Variants in ARHGEF28 observed in about 807,000 individuals in gnomAD.
ARHGEF28 encodes the protein 190 kDa guanine nucleotide exchange factor.
A neutral mutation model predicts 206.6 loss-of-function variants in ARHGEF28; 152 were observed. That is an observed-to-expected ratio of 0.74 (90% CI 0.64 to 0.84). The LOEUF is 0.84. ARHGEF28 is among the 40% of genes least tolerant of loss of function. The pLI, the probability that ARHGEF28 is intolerant of heterozygous loss-of-function variation, is 0.00. For synonymous variants in ARHGEF28, 763 were observed against 776.4 expected (o/e 0.98, Z 0.29); for missense variants, 2,028 against 2,073.2 (o/e 0.98, Z 0.42).
intron 35 of ARHGEF28, among the ~76,000 whole-genome samples, chr5:73,940,366 C>A (rs1742526146): frequency 1.3e-5 from 2 of 152,056 alleles, no homozygotes; most frequent in Admixed American, 1.3e-4. Context: ...GCTGGAGGGT[C>A]TCCTTCATTC....
intron 10 of ARHGEF28, 101 bp from the exon 11 acceptor site, chr5:73,840,379 C>T (rs1199423817): frequency 2.3e-5 from 28 of 1,228,538 alleles, no homozygotes; most frequent in South Asian, 1.4e-4. Context: ...CCTCCTACCA[C>T]GCCTGGCCAG....
chr5:73,659,478 C>T (rs1222259392), intron 1 of ARHGEF28, among the ~76,000 whole-genome samples: 1 of 151,276 alleles, frequency 6.6e-6, no homozygotes, highest in African/African-American at 2.4e-5. Flanking sequence ...TGCAGTGAGC[C>T]GAGATCGGCC....
chr5:73,920,301 G>C (rs1763446394), intron 35 of ARHGEF28, among the ~76,000 whole-genome samples: 1 of 152,168 alleles, frequency 6.6e-6, no homozygotes, highest in African/African-American at 2.4e-5. Context: ...TATCTTACTG[G>C]ATTCCTAGTA....
intron 7 of ARHGEF28, among the ~76,000 whole-genome samples, chr5:73,791,023 T>C (rs1754447074): frequency 6.6e-6 from 1 of 152,216 alleles, no homozygotes; most frequent in Non-Finnish European, 1.5e-5. Flanking sequence ...GTATTGGAAG[T>C]GTTTCAATTA....
intron 4 of ARHGEF28, among the ~76,000 whole-genome samples, chr5:73,760,692 A>T (rs1752554818): frequency 5.9e-5 from 9 of 152,194 alleles, no homozygotes; most frequent in Admixed American, 5.9e-4. Flanking sequence ...TTTGTCTTAC[A>T]TTCCTTTTGT....
chr5:73,876,851 G>A (rs1370697627), intron 22 of ARHGEF28, among the ~76,000 whole-genome samples: 1 of 147,860 alleles, frequency 6.8e-6, no homozygotes, highest in Admixed American at 6.8e-5. Flanking sequence ...TTTTGCATCA[G>A]TGTTCATCAT....
At chr5:73,913,737 C>T (rs867243120) in intron 35 of ARHGEF28, among the ~76,000 whole-genome samples, 9 of 152,196 alleles carry the variant, frequency 5.9e-5, no homozygotes, top group South Asian at 4.1e-4. Context: ...CATCAGTGAC[C>T]ACTACTGAGG....
intron 33 of ARHGEF28, among the ~76,000 whole-genome samples, chr5:73,905,537 A>G (rs1762503305): frequency 6.6e-6 from 1 of 152,234 alleles, no homozygotes; most frequent in African/African-American, 2.4e-5. Context: ...GATTCTACAA[A>G]GAGAATTAAA....
rs530490076 is a variant in ARHGEF28 at position 73,754,719 on chromosome 5, G to T, written c.475+1517G>T. On this transcript the variant is annotated intron_variant, in intron 4 of 35. Coordinates refer to ENST00000513042, the MANE Select transcript of ARHGEF28 (RefSeq NM_001177693.2). Reference sequence around the variant, plus strand: ...CCTGCTTCTTTAGCTGATGAGACAGGGTCATCTTGCTCTGTTGCCCAGGCT... The same window carrying T: ...CCTGCTTCTTTAGCTGATGAGACAGTGTCATCTTGCTCTGTTGCCCAGGCT... Among the ~76,000 whole-genome samples, 418 of 151,984 alleles carry T rather than the reference G, an allele frequency of 2.8e-3. 4 individuals are homozygous for T. Among genetic ancestry groups the T allele is most frequent in the African/African-American group, 9.7e-3 (402 of 41,454 alleles).
intron 16 of ARHGEF28, among the ~76,000 whole-genome samples, chr5:73,859,159 A>G (rs1759232167): frequency 6.6e-6 from 1 of 152,162 alleles, no homozygotes; most frequent in African/African-American, 2.4e-5. Context: ...TACAGTTTGC[A>G]TATGGGGGCT....
intron 7 of ARHGEF28, among the ~76,000 whole-genome samples, chr5:73,789,082 G>A (rs1019721520): frequency 1.3e-5 from 2 of 152,038 alleles, no homozygotes; most frequent in Admixed American, 1.3e-4. Context: ...GTTCATTGCA[G>A]CATTATTAAT....
At chr5:73,794,122 CATTT>C (rs1359371672) in intron 7 of ARHGEF28, among the ~76,000 whole-genome samples, 1 of 152,090 alleles carries the variant, frequency 6.6e-6, no homozygotes, top group Non-Finnish European at 1.5e-5. Context: ...GAATCAAGGG[CATTT>C]ATTTATTTAA....
chr5:73,879,386 C>G (rs1280357037), intron 22 of ARHGEF28, among the ~76,000 whole-genome samples: 1 of 152,160 alleles, frequency 6.6e-6, no homozygotes, highest in Non-Finnish European at 1.5e-5. Flanking sequence ...TCCTGTGGCT[C>G]AGAGTAGTTT....
intron 1 of ARHGEF28, among the ~76,000 whole-genome samples, chr5:73,656,733 T>G (rs1745227485): frequency 6.6e-6 from 1 of 152,190 alleles, no homozygotes; most frequent in African/African-American, 2.4e-5. Context: ...ATCCTCTGCA[T>G]ACTCAGAAGA....
chr5:73,812,649 A>G (rs1755912925), intron 9 of ARHGEF28, among the ~76,000 whole-genome samples: 1 of 152,130 alleles, frequency 6.6e-6, no homozygotes, highest in African/African-American at 2.4e-5. Flanking sequence ...CTTCTCCTGA[A>G]TGCTAATTAC....
intron 2 of ARHGEF28, among the ~76,000 whole-genome samples, chr5:73,736,032 G>A (rs1166585958): frequency 6.6e-6 from 1 of 152,194 alleles, no homozygotes; most frequent in Admixed American, 6.5e-5. Flanking sequence ...AGAAAGAAAG[G>A]ATAGGTCTTG....
intron 1 of ARHGEF28, among the ~76,000 whole-genome samples, chr5:73,675,149 C>T (rs1746574392): frequency 6.6e-6 from 1 of 152,140 alleles, no homozygotes; most frequent in Non-Finnish European, 1.5e-5. Flanking sequence ...ACTGAGTCCT[C>T]AACCTGTGGG....
chr5:73,789,099 C>A (rs545537776), intron 7 of ARHGEF28, among the ~76,000 whole-genome samples: 1 of 151,662 alleles, frequency 6.6e-6, no homozygotes, highest in Non-Finnish European at 1.5e-5. Context: ...TAATAATAGA[C>A]AAAAAGTGGA....
chr5:73,727,902 G>A (rs920644157), intron 2 of ARHGEF28, among the ~76,000 whole-genome samples: 1 of 152,152 alleles, frequency 6.6e-6, no homozygotes, highest in Non-Finnish European at 1.5e-5. Flanking sequence ...GGTAGTCTGA[G>A]TTCATTTTGG....
Sources: allele counts gnomAD v4.1 joint callset (sites outside exome capture counted in the v4.1 genomes callset), GRCh38; gene constraint gnomAD v4.1.1; transcripts MANE v1.5; gene names NCBI Gene and HGNC (gene_info 2026-07-23, HGNC 2026-07-21).